Variants in LINGO2 observed in about 807,000 individuals in gnomAD.
LINGO2 encodes the protein leucine rich repeat and Ig domain containing 2.
In LINGO2, 14 loss-of-function variants were observed where a neutral mutation model predicts 30.6. That is an observed-to-expected ratio of 0.46 (90% CI 0.30 to 0.72). The LOEUF (loss-of-function observed/expected upper bound fraction) is 0.72. Among genes scored for constraint, LINGO2 ranks in the 30% least tolerant of loss-of-function variants. LINGO2 has a pLI of 0.07. For synonymous variants in LINGO2, 317 were observed against 288.5 expected (o/e 1.10, Z -1.00); for missense variants, 729 against 751.7 (o/e 0.97, Z 0.35).
chr9:28,097,697 A>T (rs1402740088), intron 4 of LINGO2, among the ~76,000 whole-genome samples: 1 of 83,274 alleles, frequency 1.2e-5, no homozygotes, highest in Non-Finnish European at 2.3e-5. Context: ...GGGTCGGGGG[A>T]GGGGGGAGGG....
At chr9:28,302,374 T>C (rs1481036668) in intron 3 of LINGO2, among the ~76,000 whole-genome samples, 3 of 152,206 alleles carry the variant, frequency 2.0e-5, no homozygotes, top group Non-Finnish European at 4.4e-5. Flanking sequence ...AGTTAGCATA[T>C]TTGAGATATA....
chr9:28,252,544 A>C (rs1160961051), intron 4 of LINGO2, among the ~76,000 whole-genome samples: 1 of 151,876 alleles, frequency 6.6e-6, no homozygotes, highest in East Asian at 1.9e-4. Context: ...CATTATTTCT[A>C]CTCTAAGCCA....
At chr9:28,701,534 C>A in the LINGO2 span, among the ~76,000 whole-genome samples, 13 of 152,026 alleles carry the variant, frequency 8.6e-5, no homozygotes, top group Non-Finnish European at 1.5e-4. Context: ...TTCAATACCA[C>A]ACTGTTTGGT....
the LINGO2 span, among the ~76,000 whole-genome samples, chr9:28,878,518 A>T: frequency 2.7e-5 from 4 of 147,264 alleles, no homozygotes; most frequent in African/African-American, 4.9e-5. Context: ...TACCAAAGCC[A>T]GGCAGAGACA....
At chr9:28,395,486 T>C (rs1822002542) in intron 2 of LINGO2, among the ~76,000 whole-genome samples, 1 of 151,926 alleles carries the variant, frequency 6.6e-6, no homozygotes, top group Non-Finnish European at 1.5e-5. Context: ...ATTTCAACTA[T>C]GATATTGAAG....
intron 3 of LINGO2, among the ~76,000 whole-genome samples, chr9:28,367,795 A>G (rs185910328): frequency 4.5e-3 from 688 of 152,236 alleles, no homozygotes; most frequent in Middle Eastern, 0.017. Flanking sequence ...GTTTGCAATT[A>G]TTATTTATTA....
chr9:28,656,415 G>A (rs574786609), intron 1 of LINGO2, among the ~76,000 whole-genome samples: 38 of 151,970 alleles, frequency 2.5e-4, no homozygotes, highest in African/African-American at 8.0e-4. Flanking sequence ...AAAATTAATC[G>A]CCCTAGTAAT....
At chr9:28,874,943 C>A in the LINGO2 span, among the ~76,000 whole-genome samples, 2 of 152,020 alleles carry the variant, frequency 1.3e-5, no homozygotes, top group Admixed American at 6.6e-5. Flanking sequence ...GTTGACTATA[C>A]CATGCTAAGG....
At chr9:29,008,669 G>C in the LINGO2 span, among the ~76,000 whole-genome samples, 4 of 152,262 alleles carry the variant, frequency 2.6e-5, no homozygotes, top group East Asian at 7.7e-4. Flanking sequence ...GCATTTCTCT[G>C]ATGGCCAGCG....
intron 4 of LINGO2, among the ~76,000 whole-genome samples, chr9:28,234,569 G>A (rs1331382234): frequency 6.6e-6 from 1 of 152,192 alleles, no homozygotes; most frequent in Non-Finnish European, 1.5e-5. Context: ...AATAAAGCAG[G>A]CAGAAGAAAA....
chr9:28,942,840 T>C, the LINGO2 span, among the ~76,000 whole-genome samples: 1 of 152,154 alleles, frequency 6.6e-6, no homozygotes, highest in South Asian at 2.1e-4. Flanking sequence ...CCTAAAATAA[T>C]AGGTGACACA....
chr9:28,665,891 C>CG (rs1170922883), intron 1 of LINGO2, among the ~76,000 whole-genome samples: 19 of 132,454 alleles, frequency 1.4e-4, no homozygotes, highest in African/African-American at 5.2e-4. Context: ...TTTGGTGTTA[C>CG]TTTTTTTTTT....
the LINGO2 span, among the ~76,000 whole-genome samples, chr9:29,122,979 AG>A: frequency 5.3e-5 from 8 of 152,132 alleles, no homozygotes; most frequent in Non-Finnish European, 8.8e-5. Context: ...ATTTGCATTC[AG>A]CAGTTCTGGG....
At chr9:28,770,402 C>T in the LINGO2 span, among the ~76,000 whole-genome samples, 2 of 152,264 alleles carry the variant, frequency 1.3e-5, no homozygotes, top group African/African-American at 2.4e-5. Flanking sequence ...ATGCTGAAAC[C>T]GCATAGGTCT....
intron 4 of LINGO2, among the ~76,000 whole-genome samples, chr9:28,191,467 T>C (rs1333296137): frequency 1.3e-5 from 2 of 152,164 alleles, no homozygotes; most frequent in Non-Finnish European, 2.9e-5. Context: ...ATTTTTTGTC[T>C]AGGCAGGAAG....
intron 1 of LINGO2, among the ~76,000 whole-genome samples, chr9:28,578,525 A>T (rs530299944): frequency 1.3e-5 from 2 of 152,288 alleles, no homozygotes; most frequent in East Asian, 3.9e-4. Flanking sequence ...TTAATCAGAA[A>T]TAAGACGTCT....
chr9:27,982,275 C>A (rs558237674), intron 5 of LINGO2, among the ~76,000 whole-genome samples: 1 of 151,868 alleles, frequency 6.6e-6, no homozygotes, highest in South Asian at 2.1e-4. Context: ...CATAAATACA[C>A]CACACATAAT....
chr9:28,630,182 G>C (rs1826869660), intron 1 of LINGO2, among the ~76,000 whole-genome samples: 1 of 151,296 alleles, frequency 6.6e-6, no homozygotes, highest in Admixed American at 6.6e-5. Flanking sequence ...TGCACAATGT[G>C]CACATGTACC....
the LINGO2 span, among the ~76,000 whole-genome samples, chr9:28,984,965 C>G: frequency 2.6e-5 from 4 of 152,002 alleles, no homozygotes; most frequent in Non-Finnish European, 5.9e-5. Context: ...CAAAAAGAAA[C>G]CCACCTTAGA....
Sources: allele counts gnomAD v4.1 joint callset (sites outside exome capture counted in the v4.1 genomes callset), GRCh38; gene constraint gnomAD v4.1.1; transcripts MANE v1.5; gene names NCBI Gene and HGNC (gene_info 2026-07-23, HGNC 2026-07-21).